The following CCDC174 variants were observed in gnomAD, a reference collection of about 807,000 sequenced individuals.
CCDC174 encodes the protein coiled-coil domain-containing protein 174.
CCDC174 carries 37 observed loss-of-function variants against 57.1 expected under a neutral mutation model. The observed-to-expected ratio is 0.65, with a 90% CI of 0.50 to 0.85. The LOEUF is 0.85. Ranked by LOEUF, CCDC174 falls within the 40% of genes least tolerant of loss-of-function variation. The probability of loss-of-function intolerance (pLI) is 0.00; values close to 1 mark genes in which losing one functional copy is unlikely to be tolerated. For missense variants in CCDC174, 540 were observed against 574.3 expected (o/e 0.94, Z 0.61); for synonymous variants, 182 against 190.2 (o/e 0.96, Z 0.35).
intron 6 of CCDC174, among the ~76,000 whole-genome samples, chr3:14,665,611 C>T (rs1185672613): frequency 6.6e-6 from 1 of 152,168 alleles, no homozygotes; most frequent in Non-Finnish European, 1.5e-5. Context: ...AACTCTGAAA[C>T]ATCCAGGGGA....
chr3:14,654,460 A>G lies in CCDC174; in HGVS notation c.77A>G (p.Gln26Arg), dbSNP rs2030881675. ...VDLKAELFRK[Q>R]EEFKQEKLLK... ...CTTAAGGCTGAACTCTTCCGAAAGC[A>G]AGAAGAATTCAAACAAGAAAAACTT... is the stretch of plus-strand genomic sequence containing the variant. The change falls in exon 2 of 11, where the codon CAA becomes CGA. Residue 26 changes from glutamine (Q) to arginine (R), a missense_variant. Physicochemically the swap from Gln to Arg is conservative, Grantham distance 43. Coordinates refer to ENST00000383794, the MANE Select transcript of CCDC174 (RefSeq NM_016474.5). The G allele has an allele frequency of 1.9e-6, 3 of 1,607,840 alleles. No individual in the cohort carries two copies. The highest frequency in any genetic ancestry group is 2.5e-6 in the Non-Finnish European group (3 of 1,177,228).
intron 6 of CCDC174, among the ~76,000 whole-genome samples, chr3:14,665,483 A>G (rs749172099): frequency 2.0e-5 from 3 of 152,164 alleles, no homozygotes; most frequent in Admixed American, 1.3e-4. Context: ...CTAGGGAGAG[A>G]ACTTACTCAC....
Position 14,657,560 on chromosome 3 carries a change from A to T in CCDC174, c.249-1311A>T, listed in dbSNP as rs1447283168. On this transcript the variant is annotated intron_variant, in intron 3 of 10. Transcript: ENST00000383794. ...TTCCCTGACACCTTCCTTGATCTCA[A>T]TTATCCATTTGTAGTCTGTTCCTAA... Among the ~76,000 whole-genome samples the T allele has an allele frequency of 2.0e-5, 3 of 152,264 alleles. No homozygotes were observed. In the East Asian group the frequency reaches 5.8e-4, roughly 29 times the overall value.
In CCDC174 at chr3:14,669,211, G is replaced by A. The variant is rs11922902; in HGVS notation, c.953-723G>A. Among the ~76,000 whole-genome samples, 1,442 of 152,294 alleles carry A rather than the reference G, an allele frequency of 9.5e-3. 18 individuals are homozygous for A. The highest frequency in any genetic ancestry group is 0.032 in the African/African-American group (1,330 of 41,548). ...AGGAGGAGTGTGGGTATGAAGGGAC[G>A]TATAGCTCTCCAGCTCTCACAAAGC... On this transcript the variant is annotated intron_variant, in intron 9 of 10. Coordinates refer to ENST00000383794, the MANE Select transcript of CCDC174 (RefSeq NM_016474.5).
chr3:14,655,985 G>A (rs1476971516), intron 3 of CCDC174, among the ~76,000 whole-genome samples: 1 of 151,974 alleles, frequency 6.6e-6, no homozygotes, highest in Non-Finnish European at 1.5e-5. Context: ...AACTTCAAGG[G>A]TACATAGAAC....
rs921904116 is a variant in CCDC174, at chr3:14,667,642, G to A, written c.819+124G>A. 28 of 718,600 alleles carry A rather than the reference G, an allele frequency of 3.9e-5. No homozygotes were observed. In the African/African-American group the frequency reaches 4.6e-4, roughly 12 times the overall value. The allele number at this position is 718,600 out of a possible 1,614,324, so 44.5% of individuals were successfully genotyped here. A position where few individuals can be genotyped will look rare whatever the true frequency, so the allele number is the denominator to read the frequency against. Reference sequence around the variant, plus strand: ...AAATTGATATTCAGAATTGCATAAAGGTAGTTGCCATACTATTTTTGTGTT... The same window carrying A: ...AAATTGATATTCAGAATTGCATAAAAGTAGTTGCCATACTATTTTTGTGTT... On this transcript the variant is annotated intron_variant, in intron 8 of 10. Transcript: ENST00000383794.
At chr3:14,655,239 A>G (rs1010925444) in intron 2 of CCDC174, among the ~76,000 whole-genome samples, 3 of 151,978 alleles carry the variant, frequency 2.0e-5, no homozygotes, top group Non-Finnish European at 2.9e-5. Flanking sequence ...TGAGCCCAGG[A>G]TGTTGAGGCT....
At position 14,666,833 on chromosome 3, in the gene CCDC174, C is replaced by T. The variant is rs1259073907; in HGVS notation, c.610C>T (p.Leu204=). 11 of 1,588,242 alleles carry T rather than the reference C, an allele frequency of 6.9e-6. No homozygotes were observed. The highest frequency in any genetic ancestry group is 9.4e-6 in the Non-Finnish European group (11 of 1,173,652). The change falls in exon 7 of 11, where the codon CTA becomes TTA. Residue 204 remains leucine, a synonymous_variant. Transcript: ENST00000383794. The part of the protein sequence containing the change: ...LFISPANEKT[L]LSEDMRKELQ... The stretch of plus-strand genomic sequence containing the variant: ...TATTAGTCCTGCTAATGAAAAAACC[C>T]TATTATCTGAAGATATGAGAAAAGA...
chr3:14,651,900 C>T (rs144720464), intron 1 of CCDC174, 22 bp downstream of exon 1: 2 of 1,611,704 alleles, frequency 1.2e-6, no homozygotes, highest in South Asian at 1.1e-5. Flanking sequence ...TATGAGGTAA[C>T]TCCACGGGCT....
intron 5 of CCDC174, among the ~76,000 whole-genome samples, chr3:14,664,282 G>A (rs763760106): frequency 2.6e-5 from 4 of 152,120 alleles, no homozygotes; most frequent in Non-Finnish European, 4.4e-5. Context: ...CTGTGTATTC[G>A]GTACCCTGCT....
chr3:14,657,963 G>GTAAGAT (rs2031016972), intron 3 of CCDC174, among the ~76,000 whole-genome samples: 1 of 152,208 alleles, frequency 6.6e-6, no homozygotes, highest in Admixed American at 6.5e-5. Flanking sequence ...CATTAAAACA[G>GTAAGAT]TAAGATCCTC....
chr3:14,664,854 T>C (rs926712738), intron 5 of CCDC174, among the ~76,000 whole-genome samples, 174 bp from the exon 6 acceptor site: 1 of 152,206 alleles, frequency 6.6e-6, no homozygotes, highest in African/African-American at 2.4e-5. Context: ...ACAATGAGCT[T>C]ATTGTGTGTC....
At chr3:14,653,253 T>G (rs1200470834) in intron 1 of CCDC174, among the ~76,000 whole-genome samples, 1 of 152,248 alleles carries the variant, frequency 6.6e-6, no homozygotes, top group Non-Finnish European at 1.5e-5. Context: ...TACATTTTTT[T>G]GAGCATCTCT....
intron 2 of CCDC174, 81 bp from the exon 3 acceptor site, chr3:14,655,448 G>GT (rs74694927): frequency 0.12 from 76,931 of 618,876 alleles, 480 homozygotes; most frequent in African/African-American, 0.18. Context: ...GATCTCCTTT[G>GT]TTTTTTTTTT....
rs1339522338 is a variant in CCDC174 at position 14,672,550 on chromosome 3, T to G, written c.*1356T>G. On this transcript the variant is annotated 3_prime_UTR_variant, in exon 11 of 11. Coordinates refer to ENST00000383794, the MANE Select transcript of CCDC174 (RefSeq NM_016474.5). The stretch of plus-strand genomic sequence containing the variant: ...CATCCTGAATTCTTACAAACTTACC[T>G]CTAAACTCTGAGGATAAAGTTGCCA... 3 of 152,198 alleles carry G rather than the reference T, an allele frequency of 2.0e-5. No homozygotes were observed. Among genetic ancestry groups the G allele is most frequent in the Non-Finnish European group, 4.4e-5 (3 of 68,046 alleles). 9.4% of individuals were successfully genotyped at this position (152,198 alleles called of 1,614,324 possible). A position where few individuals can be genotyped will look rare whatever the true frequency, so the allele number is the denominator to read the frequency against.
chr3:14,662,121 A>G (rs998822025), intron 5 of CCDC174, among the ~76,000 whole-genome samples: 1 of 152,134 alleles, frequency 6.6e-6, no homozygotes, highest in African/African-American at 2.4e-5. Context: ...ATCTAGGAGA[A>G]GGAAGCCGGC....
chr3:14,658,484 G>C (rs537158823), intron 3 of CCDC174, among the ~76,000 whole-genome samples: 2 of 152,320 alleles, frequency 1.3e-5, no homozygotes, highest in South Asian at 2.1e-4. Context: ...GAGCAGAGAG[G>C]CTGCTTTGTT....
intron 4 of CCDC174, 21 bp downstream of exon 4, chr3:14,658,950 C>G (rs1362330864): frequency 6.8e-7 from 1 of 1,478,564 alleles, no homozygotes; most frequent in African/African-American, 1.4e-5. Flanking sequence ...TTTGTTATTT[C>G]TACTTCATTT....
chr3:14,655,457 T>A, intron 2 of CCDC174, 72 bp from the exon 3 acceptor site: 1 of 907,776 alleles, frequency 1.1e-6, no homozygotes, highest in Non-Finnish European at 1.7e-6. Flanking sequence ...TGTTTTTTTT[T>A]TTCCTGATGC....
Sources: allele counts gnomAD v4.1 joint callset (sites outside exome capture counted in the v4.1 genomes callset), GRCh38; gene constraint gnomAD v4.1.1; transcripts MANE v1.5; gene names NCBI Gene and HGNC (gene_info 2026-07-23, HGNC 2026-07-21).